Variants in TMEM74 observed in about 807,000 individuals in gnomAD.
TMEM74 encodes the protein transmembrane protein 74.
TMEM74 carries 13 observed loss-of-function variants against 18.1 expected under a neutral mutation model. That is an observed-to-expected ratio of 0.72 (90% CI 0.47 to 1.14). The LOEUF (loss-of-function observed/expected upper bound fraction) is 1.14. Ranked by LOEUF, TMEM74 falls within the 50% of genes most tolerant of loss-of-function variation. TMEM74 has a pLI of 0.00. For synonymous variants in TMEM74, 159 were observed against 146.6 expected (o/e 1.08, Z -0.61); for missense variants, 372 against 375.9 (o/e 0.99, Z 0.09).
intron 2 of TMEM74, among the ~76,000 whole-genome samples, chr8:108,639,126 C>T (rs1298969700): frequency 6.6e-6 from 1 of 152,060 alleles, no homozygotes; most frequent in Non-Finnish European, 1.5e-5. Context: ...TGAGTGAGCC[C>T]TTACTGAGAT....
chr8:108,769,186 C>T (rs994950949), intron 1 of TMEM74, among the ~76,000 whole-genome samples: 5 of 150,934 alleles, frequency 3.3e-5, no homozygotes, highest in African/African-American at 4.9e-5. Context: ...AAAATCTGGG[C>T]ATGGTGTGTG....
At chr8:108,619,957 TC>T (rs1812423094) in intron 2 of TMEM74, among the ~76,000 whole-genome samples, 1 of 152,178 alleles carries the variant, frequency 6.6e-6, no homozygotes, top group South Asian at 2.1e-4. Context: ...TACTGCTGCC[TC>T]TTCTTTTTCT....
At chr8:108,689,331 A>G (rs6992242) in intron 1 of TMEM74, among the ~76,000 whole-genome samples, 67,030 of 151,834 alleles carry the variant, frequency 0.44, 15,154 homozygotes, top group East Asian at 0.69. Context: ...TTAGAGGCCA[A>G]GGTTACTTTA....
intron 2 of TMEM74, among the ~76,000 whole-genome samples, chr8:108,642,204 G>T (rs986629514): frequency 2.0e-5 from 3 of 151,966 alleles, no homozygotes; most frequent in African/African-American, 7.3e-5. Flanking sequence ...TTTGAGACCA[G>T]CCTGGGCAAC....
intron 1 of TMEM74, among the ~76,000 whole-genome samples, chr8:108,726,884 G>C (rs981260408): frequency 1.3e-5 from 2 of 152,166 alleles, no homozygotes; most frequent in Non-Finnish European, 2.9e-5. Context: ...AGGTGAATTA[G>C]GGGGGCTGGT....
chr8:108,622,125 G>A (rs1812446177), intron 2 of TMEM74, among the ~76,000 whole-genome samples: 1 of 151,920 alleles, frequency 6.6e-6, no homozygotes, highest in Non-Finnish European at 1.5e-5. Context: ...TTTATAAAAG[G>A]GCAAAACGAG....
intron 1 of TMEM74, among the ~76,000 whole-genome samples, chr8:108,699,317 T>C (rs970127849): frequency 6.6e-6 from 1 of 151,674 alleles, no homozygotes; most frequent in Non-Finnish European, 1.5e-5. Context: ...TGTAACACTA[T>C]GTGTGCTATG....
At chr8:108,755,317 T>A (rs996411053) in intron 1 of TMEM74, among the ~76,000 whole-genome samples, 20 of 152,102 alleles carry the variant, frequency 1.3e-4, no homozygotes. Context: ...GATCCTGATT[T>A]GAGGACACAG....
intron 1 of TMEM74, among the ~76,000 whole-genome samples, chr8:108,725,775 C>T (rs758671978): frequency 2.6e-5 from 4 of 152,100 alleles, no homozygotes; most frequent in South Asian, 2.1e-4. Context: ...TGTCTTTAAA[C>T]ATGTTATAGG....
chr8:108,701,784 G>T (rs1028628820), intron 1 of TMEM74, among the ~76,000 whole-genome samples: 1 of 152,130 alleles, frequency 6.6e-6, no homozygotes, highest in Non-Finnish European at 1.5e-5. Flanking sequence ...CATGTAAAGA[G>T]TCAGTATTGT....
chr8:108,689,294 A>G (rs897292827), intron 1 of TMEM74, among the ~76,000 whole-genome samples: 7 of 152,306 alleles, frequency 4.6e-5, no homozygotes, highest in African/African-American at 1.7e-4. Context: ...TCTTACAGAG[A>G]AAGGGTTAAG....
chr8:108,643,272 C>T (rs114252984), intron 2 of TMEM74, among the ~76,000 whole-genome samples: 2,317 of 152,170 alleles, frequency 0.015, 64 homozygotes, highest in African/African-American at 0.052. Flanking sequence ...GGATGTATGC[C>T]AAGAAGTTGT....
intron 1 of TMEM74, among the ~76,000 whole-genome samples, chr8:108,769,898 T>A (rs1189251302): frequency 6.6e-6 from 1 of 152,142 alleles, no homozygotes; most frequent in East Asian, 1.9e-4. Flanking sequence ...AAGTGCTTAT[T>A]TGTTATCTAT....
At position 108,671,354 on chromosome 8, in the gene TMEM74, C is replaced by T. The variant is rs147565569; in HGVS notation, n.120-15917G>A. ...TCACTTTGCCACATTGCCCATGGAG[C>T]TGTACCACCCTCTTGCCAAGGTTAG... is the stretch of plus-strand genomic sequence containing the variant. On this transcript the variant is annotated intron_variant and non_coding_transcript_variant, in intron 1 of 3. Coordinates refer to the TMEM74 transcript ENST00000518838. Among the ~76,000 whole-genome samples the T allele has an allele frequency of 2.6e-5, 4 of 152,320 alleles. No homozygotes were observed. The East Asian group carries it at 5.8e-4, about 22-fold the overall frequency.
intron 1 of TMEM74, among the ~76,000 whole-genome samples, chr8:108,756,596 GA>G (rs1563543591): frequency 2.1e-3 from 110 of 53,220 alleles, no homozygotes; most frequent in African/African-American, 7.8e-3. Context: ...AAGAAAGAAA[GA>G]GAAAGGAAGG....
At chr8:108,727,332 C>T in intron 1 of TMEM74, among the ~76,000 whole-genome samples, 1 of 152,116 alleles carries the variant, frequency 6.6e-6, no homozygotes, top group East Asian at 1.9e-4. Context: ...GGGTCCATTG[C>T]AGTAATCCAC....
intron 2 of TMEM74, among the ~76,000 whole-genome samples, chr8:108,629,236 G>A (rs1468523897): frequency 2.0e-5 from 3 of 151,966 alleles, no homozygotes; most frequent in Non-Finnish European, 4.4e-5. Flanking sequence ...GGATATCAGA[G>A]ATTGAAGATC....
At chr8:108,668,803 G>A (rs113969398) in intron 1 of TMEM74, among the ~76,000 whole-genome samples, 4,468 of 152,072 alleles carry the variant, frequency 0.029, 123 homozygotes, top group African/African-American at 0.066. Flanking sequence ...AAACTTTTTT[G>A]TCAATCTTGA....
intron 1 of TMEM74, among the ~76,000 whole-genome samples, chr8:108,749,913 GA>G (rs1264734591): frequency 3.9e-5 from 6 of 152,072 alleles, no homozygotes; most frequent in African/African-American, 1.4e-4. Flanking sequence ...GTCTAGAGCT[GA>G]AAAGTAGGTA....
Sources: allele counts gnomAD v4.1 joint callset (sites outside exome capture counted in the v4.1 genomes callset), GRCh38; gene constraint gnomAD v4.1.1; transcripts MANE v1.5; gene names NCBI Gene and HGNC (gene_info 2026-07-23, HGNC 2026-07-21).